The following CCDC154 variants were observed in gnomAD, a reference collection of about 807,000 sequenced individuals.
CCDC154 encodes coiled-coil domain containing 154, also known as coiled-coil domain-containing protein 154.
In CCDC154, 91 loss-of-function variants were observed where a neutral mutation model predicts 87.5. The observed-to-expected ratio is 1.04, with a 90% CI of 0.88 to 1.24. CCDC154 has a LOEUF of 1.24. Among genes scored for constraint, CCDC154 ranks in the 50% most tolerant of loss-of-function variants. The pLI, the probability that CCDC154 is intolerant of heterozygous loss-of-function variation, is 0.00. For missense variants in CCDC154, 903 were observed against 879.2 expected (o/e 1.03, Z -0.34); for synonymous variants, 418 against 400.4 (o/e 1.04, Z -0.52).
intron 3 of CCDC154, 21 bp downstream of exon 3, chr16:1,443,485 G>GT (rs1363150058): frequency 1.5e-5 from 22 of 1,448,742 alleles, no homozygotes; most frequent in Non-Finnish European, 1.7e-5. Flanking sequence ...AGCTCGACCT[G>GT]TGGGTGGGGG....
chr16:1,438,026 G>A, intron 10 of CCDC154, 24 bp downstream of exon 10: 1 of 1,543,598 alleles, frequency 6.5e-7, no homozygotes, highest in Non-Finnish European at 8.8e-7. Flanking sequence ...ACCCCGTTGG[G>A]GACATGTTGC....
rs1271603625 is a variant in CCDC154, at chr16:1,442,413, C to T, written c.668G>A (p.Arg223Lys). ...SSRRVDLEVA[R>K]MQAQVTKLGE... is the part of the protein sequence containing the mutation. ...GCCTGGGCCTGGTGGTACCTGCATT[C>T]TGGCCACCTCCAGGTCCACCCTCCG... The change falls in exon 6 of 17, where the codon AGA becomes AAA. Residue 223 changes from arginine (R) to lysine (K), a missense_variant. By Grantham distance (26) the Arg-to-Lys change is conservative. Transcript: ENST00000389176. 2 of 1,548,110 alleles carry T rather than the reference C, an allele frequency of 1.3e-6. No individual in the cohort carries two copies. The highest frequency in any genetic ancestry group is 4.0e-5 in the Admixed American group (2 of 50,578).
At position 1,439,606 on chromosome 16, in the gene CCDC154, T is replaced by C. The variant is rs568255953; in HGVS notation, c.676-480A>G. Among the ~76,000 whole-genome samples, 4 of 152,102 alleles carry C rather than the reference T, an allele frequency of 2.6e-5. No homozygotes were observed. The East Asian group carries it at 7.8e-4, about 30-fold the overall frequency. On this transcript the variant is annotated intron_variant, in intron 6 of 16. Coordinates refer to ENST00000389176, the MANE Select transcript of CCDC154 (RefSeq NM_001143980.3). ...CCCTGCATCTCATACACGCAAAGGG[T>C]AGGCAGGCGGCACAGGCCCTTCATC...
rs1003100122 is a variant in CCDC154 at position 1,442,438 on chromosome 16, G to C, written c.643C>G (p.Arg215Gly). 1 of 1,549,802 alleles carries C rather than the reference G, an allele frequency of 6.5e-7. No homozygotes were observed. Among genetic ancestry groups the C allele is most frequent in the Admixed American group, 2.0e-5 (1 of 50,890 alleles). The change falls in exon 6 of 17, where the codon CGG (arginine) becomes GGG (glycine). Residue 215 changes from arginine to glycine, a missense_variant. Coordinates refer to ENST00000389176, the MANE Select transcript of CCDC154 (RefSeq NM_001143980.3). Reference sequence around the variant, plus strand: ...CTGGCCACCTCCAGGTCCACCCTCCGGCTGCTGTCCTCTTGGTTCTTCTGC... The same window carrying C: ...CTGGCCACCTCCAGGTCCACCCTCCCGCTGCTGTCCTCTTGGTTCTTCTGC... ...ALQKNQEDSS[R>G]RVDLEVARMQ...
chr16:1,438,206 A>C, intron 9 of CCDC154, 30 bp from the exon 10 acceptor site: 1 of 1,494,386 alleles, frequency 6.7e-7, no homozygotes, highest in East Asian at 2.5e-5. Flanking sequence ...AGACACCCTC[A>C]GTGGAGCCTG....
intron 14 of CCDC154, among the ~76,000 whole-genome samples, chr16:1,435,719 T>A (rs1049722617): frequency 3.3e-5 from 5 of 152,052 alleles, no homozygotes; most frequent in Non-Finnish European, 7.4e-5. Context: ...AGAGACAGGG[T>A]TTCTCCATGT....
chr16:1,438,393 C>T (rs367574481), intron 9 of CCDC154: 1 of 738,050 alleles, frequency 1.4e-6, no homozygotes. Flanking sequence ...GGGTTCCCTC[C>T]CCATGGCCAC....
intron 14 of CCDC154, chr16:1,435,385 G>A: frequency 3.3e-6 from 2 of 597,456 alleles, no homozygotes; most frequent in Non-Finnish European, 5.9e-6. Flanking sequence ...ACCTGGCCAG[G>A]GCTCAGGGTT....
At position 1,436,480 on chromosome 16, in the gene CCDC154, G is replaced by A; in HGVS notation, c.1452C>T (p.Asp484=). 1 of 1,548,998 alleles carries A rather than the reference G, an allele frequency of 6.5e-7. No individual in the cohort carries two copies. The highest frequency in any genetic ancestry group is 8.7e-7 in the Non-Finnish European group (1 of 1,146,954). The change falls in exon 13 of 17, where the codon GAC becomes GAT. Residue 484 remains aspartate (D), a synonymous_variant. Coordinates refer to ENST00000389176, the MANE Select transcript of CCDC154 (RefSeq NM_001143980.3). ...CTTCGGCGGAAATCCTGAGGTCTGAGTCGCTCTTATGAAGCAGGCACTTGT... is the reference window on the plus strand; with the variant it reads ...CTTCGGCGGAAATCCTGAGGTCTGAATCGCTCTTATGAAGCAGGCACTTGT... The part of the protein sequence containing the change: ...VSDKCLLHKS[D]SDLRISAEGK...
chr16:1,443,449 C>T (rs570226674), intron 3 of CCDC154, 57 bp downstream of exon 3: 695 of 1,430,256 alleles, frequency 4.9e-4, no homozygotes, highest in Admixed American at 1.6e-3. Context: ...CCAGAAGCAG[C>T]TGCCCCCAAC....
At chr16:1,443,369 A>T in intron 3 of CCDC154, 68 bp from the exon 4 acceptor site, 1 of 1,506,538 alleles carries the variant, frequency 6.6e-7, no homozygotes, top group Non-Finnish European at 8.9e-7. Flanking sequence ...CCTGGAGTCC[A>T]CCCAGCTCCG....
rs1237895818 is a variant in CCDC154 at position 1,436,815 on chromosome 16, G to C, written c.1291-4C>G. 3 of 1,550,334 alleles carry C rather than the reference G, an allele frequency of 1.9e-6. No individual in the cohort carries two copies. The African/African-American group carries it at 4.1e-5, about 21-fold the overall frequency. On this transcript the variant is annotated splice_polypyrimidine_tract_variant and splice_region_variant and intron_variant, in intron 11 of 16. Transcript: ENST00000389176. ...CACCTTCCCATTCGGTCTTTGCCTG[G>C]GGTACAGATGCCCAGTGAGGGACAA...
In CCDC154 at chr16:1,436,430, G is replaced by T. The variant is rs2038502481; in HGVS notation, c.1487+15C>A. On this transcript the variant is annotated intron_variant, in intron 13 of 16. Transcript: ENST00000389176. ...GCAGAGCCCCTGCCCCTCTCCCAGGGCCTGGAGGCTGTACCTGGCCTTGCC... is the reference window on the plus strand; with the variant it reads ...GCAGAGCCCCTGCCCCTCTCCCAGGTCCTGGAGGCTGTACCTGGCCTTGCC... 1 of 1,544,938 alleles carries T rather than the reference G, an allele frequency of 6.5e-7. No homozygotes were observed. The highest frequency in any genetic ancestry group is 1.4e-5 in the African/African-American group (1 of 73,148).
chr16:1,439,053 A>G lies in CCDC154; in HGVS notation c.749T>C (p.Leu250Pro). 6.5e-7 allele frequency: 1 copy of G among 1,550,252 alleles called. No individual in the cohort carries two copies. The change falls in exon 7 of 17, where the codon CTG (leucine) becomes CCG (proline). Residue 250 changes from leucine to proline, a missense_variant. Coordinates refer to ENST00000389176, the MANE Select transcript of CCDC154 (RefSeq NM_001143980.3). ...LKREAKLCGFLQKSFLALEKR... is the reference protein window; with the variant it reads ...LKREAKLCGFPQKSFLALEKR... ...CTCCAGGGCCAGGAAGCTCTTCTGCAGGAAGCCGCACAGCTTGGCCTCCCT... is the reference window on the plus strand; with the variant it reads ...CTCCAGGGCCAGGAAGCTCTTCTGCGGGAAGCCGCACAGCTTGGCCTCCCT...
chr16:1,436,572 C>T, intron 12 of CCDC154, 51 bp from the exon 13 acceptor site: 3 of 1,546,338 alleles, frequency 1.9e-6, no homozygotes, highest in Non-Finnish European at 1.7e-6. Context: ...CATCTAGGAC[C>T]AGCCTTGGCC....
intron 13 of CCDC154, 84 bp from the exon 14 acceptor site, chr16:1,436,170 C>T: frequency 8.4e-7 from 1 of 1,187,274 alleles, no homozygotes; most frequent in Non-Finnish European, 1.2e-6. Flanking sequence ...CTCCCACAGC[C>T]ACCACAGGGT....
At chr16:1,441,686 T>C (rs1005417963) in intron 6 of CCDC154, among the ~76,000 whole-genome samples, 5 of 152,164 alleles carry the variant, frequency 3.3e-5, no homozygotes, top group Non-Finnish European at 7.4e-5. Context: ...AGGCGCTGGC[T>C]GTGTGGGGAG....
intron 6 of CCDC154, among the ~76,000 whole-genome samples, chr16:1,441,768 G>T (rs1301876091): frequency 6.6e-6 from 1 of 152,138 alleles, no homozygotes; most frequent in Non-Finnish European, 1.5e-5. Context: ...CCGGCCCCAC[G>T]TGGCAACTGA....
chr16:1,444,419 G>T lies in CCDC154; in HGVS notation c.-97C>A. Reference sequence around the variant, plus strand: ...AGCTGGGCACAGGCCAGGGGGGTCAGGAGCCAGAGGAAGTCCCGTGAGAGC... The same window carrying T: ...AGCTGGGCACAGGCCAGGGGGGTCATGAGCCAGAGGAAGTCCCGTGAGAGC... On this transcript the variant is annotated 5_prime_UTR_variant, in exon 1 of 17. It adds an upstream start codon to the 5' untranslated region. Coordinates refer to ENST00000389176, the MANE Select transcript of CCDC154 (RefSeq NM_001143980.3). The T allele has an allele frequency of 8.4e-7, 1 of 1,191,954 alleles. No homozygotes were observed. Among genetic ancestry groups the T allele is most frequent in the Non-Finnish European group, 1.1e-6 (1 of 921,108 alleles). 73.8% of individuals were successfully genotyped at this position (1,191,954 alleles called of 1,614,324 possible). A position where few individuals can be genotyped will look rare whatever the true frequency, so the allele number is the denominator to read the frequency against.
Sources: allele counts gnomAD v4.1 joint callset (sites outside exome capture counted in the v4.1 genomes callset), GRCh38; gene constraint gnomAD v4.1.1; transcripts MANE v1.5; gene names NCBI Gene and HGNC (gene_info 2026-07-23, HGNC 2026-07-21).